Variants in ANK2 observed in about 807,000 individuals in gnomAD.
ANK2 encodes ankyrin 2.
ANK2 carries 83 observed loss-of-function variants against 360.5 expected under a neutral mutation model. The observed-to-expected ratio is 0.23, with a 90% CI of 0.19 to 0.28. The LOEUF (loss-of-function observed/expected upper bound fraction) is 0.28, where lower values mean the gene tolerates loss of function less well. Ranked by LOEUF, ANK2 falls within the 10% of genes least tolerant of loss-of-function variation. The pLI is 1.00. For synonymous variants in ANK2, 1,740 were observed against 1,759.5 expected, an observed-to-expected ratio of 0.99 and a Z score of 0.28; for missense variants, 4,201 against 4,795.7, an observed-to-expected ratio of 0.88 and a Z score of 3.66.
At chr4:112,738,886 C>CA in the ANK2 span, 3,860 of 668,774 alleles carry the variant, frequency 5.8e-3, 78 homozygotes, top group African/African-American at 0.057. Flanking sequence ...AACAAACAAA[C>CA]AAAAAAACAA....
At chr4:112,896,383 G>A (rs935486343) in intron 1 of ANK2, among the ~76,000 whole-genome samples, 1 of 152,182 alleles carries the variant, frequency 6.6e-6, no homozygotes, top group African/African-American at 2.4e-5. Context: ...TCAGTCTGTT[G>A]TTAAGCCCTT....
intron 1 of ANK2, among the ~76,000 whole-genome samples, chr4:112,828,359 T>C (rs2058898575): frequency 6.7e-6 from 1 of 148,434 alleles, no homozygotes; most frequent in African/African-American, 2.5e-5. Context: ...TCAGCCTCCC[T>C]CGTAGCTGGA....
chr4:113,324,849 C>T (rs1224751865), intron 26 of ANK2, among the ~76,000 whole-genome samples: 1 of 152,126 alleles, frequency 6.6e-6, no homozygotes, highest in Non-Finnish European at 1.5e-5. Context: ...ATTTCCTCCC[C>T]ATTCCCATCC....
upstream of ANK2, among the ~76,000 whole-genome samples, chr4:112,817,219 C>T (rs573022755): frequency 6.6e-6 from 1 of 152,132 alleles, no homozygotes; most frequent in Non-Finnish European, 1.5e-5. Context: ...TTTTACCAGC[C>T]TTTAGATTCA....
At chr4:113,326,638 G>A (rs1056485311) in intron 26 of ANK2, among the ~76,000 whole-genome samples, 1 of 151,764 alleles carries the variant, frequency 6.6e-6, no homozygotes, top group African/African-American at 2.4e-5. Context: ...ACTACAACTT[G>A]GTGGGTTTTT....
At chr4:112,737,458 C>T in the ANK2 span, among the ~76,000 whole-genome samples, 1 of 152,214 alleles carries the variant, frequency 6.6e-6, no homozygotes, top group African/African-American at 2.4e-5. Context: ...GCATAACAAC[C>T]ATTCCAATGT....
chr4:113,355,707 A>G lies in ANK2; in HGVS notation c.7089A>G (p.Thr2363=), dbSNP rs746976213. 1.9e-6 allele frequency: 3 copies of G among 1,614,030 alleles called. No homozygotes were observed. The highest frequency in any genetic ancestry group is 1.1e-5 in the South Asian group (1 of 91,090). Residue 2363 remains threonine (T), a synonymous_variant, in exon 38 of 46, where the codon ACA becomes ACG. Transcript: ENST00000357077. ...QRTFGSSAHK[T]QTDSEVQEST... is the part of the protein sequence containing the mutation. ...CCTTTGGTAGTTCAGCCCACAAGAC[A>G]CAAACTGATAGTGAGGTTCAAGAAT...
intron 2 of ANK2, among the ~76,000 whole-genome samples, chr4:112,935,262 A>G (rs1019165798): frequency 6.6e-6 from 1 of 152,196 alleles, no homozygotes; most frequent in Non-Finnish European, 1.5e-5. Context: ...TCCAAACTGT[A>G]TTTTAAATAT....
At chr4:112,845,489 T>C (rs991403680) in intron 1 of ANK2, among the ~76,000 whole-genome samples, 3 of 152,200 alleles carry the variant, frequency 2.0e-5, no homozygotes, top group African/African-American at 7.2e-5. Context: ...TGAGATTTCA[T>C]AGATACCAAT....
chr4:112,830,689 C>T (rs1452905791), intron 1 of ANK2, among the ~76,000 whole-genome samples: 1 of 152,178 alleles, frequency 6.6e-6, no homozygotes, highest in Non-Finnish European at 1.5e-5. Context: ...CCTCAGGCTA[C>T]GGCATCCACT....
intron 35 of ANK2, chr4:113,347,975 G>T: frequency 2.5e-6 from 1 of 407,550 alleles, no homozygotes; most frequent in Non-Finnish European, 4.5e-6. Flanking sequence ...AAAGACAAAT[G>T]CCATCCAGTT....
chr4:113,047,257 A>G (rs2064812735), upstream of ANK2, among the ~76,000 whole-genome samples: 1 of 152,206 alleles, frequency 6.6e-6, no homozygotes, highest in South Asian at 2.1e-4. Flanking sequence ...TGTGCTAAGC[A>G]CAGTAACATG....
intron 23 of ANK2, among the ~76,000 whole-genome samples, chr4:113,310,910 C>T (rs970609331): frequency 6.6e-6 from 1 of 152,068 alleles, no homozygotes; most frequent in Non-Finnish European, 1.5e-5. Context: ...TAGGCTTAAT[C>T]CTAAAGCAGA....
intron 1 of ANK2, among the ~76,000 whole-genome samples, chr4:113,129,554 G>T (rs971191057): frequency 1.3e-5 from 2 of 152,142 alleles, no homozygotes; most frequent in Non-Finnish European, 2.9e-5. Flanking sequence ...TGTTTTAAAC[G>T]TATGACTGCA....
intron 1 of ANK2, among the ~76,000 whole-genome samples, chr4:113,073,363 A>T (rs1016682180): frequency 1.3e-5 from 2 of 152,114 alleles, no homozygotes; most frequent in Non-Finnish European, 2.9e-5. Flanking sequence ...CTGATTCTTG[A>T]CTGGACACAT....
chr4:113,381,946 T>C lies in ANK2; in HGVS notation c.*475T>C. ...CACAAGATCCATGAAAATCCATTGA[T>C]CAGAAGAACTTCACCTGCAGACCTC... On this transcript the variant is annotated 3_prime_UTR_variant, in exon 46 of 46. Transcript: ENST00000357077. The C allele has an allele frequency of 6.0e-6, 2 of 333,456 alleles. No homozygotes were observed. Among genetic ancestry groups the C allele is most frequent in the South Asian group, 5.2e-5 (2 of 38,732 alleles). The allele number at this position is 333,456 out of a possible 1,614,324, so 20.7% of individuals were successfully genotyped here.
chr4:113,059,032 T>A (rs1303335467), intron 1 of ANK2, among the ~76,000 whole-genome samples: 3 of 152,168 alleles, frequency 2.0e-5, no homozygotes, highest in Non-Finnish European at 2.9e-5. Flanking sequence ...TGCCTTCACA[T>A]GGTGGAAAAG....
intron 2 of ANK2, among the ~76,000 whole-genome samples, chr4:112,910,868 C>A (rs2086929680): frequency 6.6e-6 from 1 of 151,970 alleles, no homozygotes. Flanking sequence ...GTTTTTAATA[C>A]CCATTTGTGC....
At chr4:113,217,180 C>G (rs1428962119) in intron 4 of ANK2, 3 of 152,012 alleles carry the variant, frequency 2.0e-5, no homozygotes, top group Admixed American at 2.0e-4. Context: ...TCTAGATGGC[C>G]AAAAACAAAA....
Sources: allele counts gnomAD v4.1 joint callset (sites outside exome capture counted in the v4.1 genomes callset), GRCh38; gene constraint gnomAD v4.1.1; transcripts MANE v1.5; gene names NCBI Gene and HGNC (gene_info 2026-07-23, HGNC 2026-07-21).